Variants in PLOD1 observed in about 807,000 individuals in gnomAD.
The protein encoded by PLOD1 is lysine hydroxylase.
PLOD1 carries 70 observed loss-of-function variants against 94.7 expected under a neutral mutation model. The ratio of observed to expected loss-of-function variants is 0.74; its 90% CI spans 0.61 to 0.90. The LOEUF is 0.90. Among genes scored for constraint, PLOD1 ranks in the 40% least tolerant of loss-of-function variants. The pLI is 0.00. For synonymous variants in PLOD1, 417 were observed against 400.2 expected (o/e 1.04, Z -0.50); for missense variants, 905 against 972.7 (o/e 0.93, Z 0.93).
chr1:11,953,505 A>G (rs978305430), intron 5 of PLOD1, among the ~76,000 whole-genome samples: 1 of 151,932 alleles, frequency 6.6e-6, no homozygotes, highest in African/African-American at 2.4e-5. Context: ...ATGAAATGCA[A>G]TAATGGGCCA....
At chr1:11,939,285 A>C (rs1324568486) in intron 1 of PLOD1, among the ~76,000 whole-genome samples, 1 of 152,074 alleles carries the variant, frequency 6.6e-6, no homozygotes, top group Non-Finnish European at 1.5e-5. Flanking sequence ...GTTGGCTCCC[A>C]CGTGCAGGGC....
intron 3 of PLOD1, among the ~76,000 whole-genome samples, 184 bp from the exon 4 acceptor site, chr1:11,950,173 C>T (rs1645689212): frequency 6.6e-6 from 1 of 152,048 alleles, no homozygotes; most frequent in African/African-American, 2.4e-5. Context: ...GCCCAGGGTG[C>T]GGGTGGGAAC....
chr1:11,972,867 T>A lies in PLOD1; in HGVS notation c.1903-5T>A, dbSNP rs776128914. On this transcript the variant is annotated splice_polypyrimidine_tract_variant and splice_region_variant and intron_variant, in intron 17 of 18. Coordinates refer to ENST00000196061, the MANE Select transcript of PLOD1 (RefSeq NM_000302.4). This position sits in a 1 kb window ranked among gnomAD's most constrained non-coding sequence, Gnocchi z 4.6. ...GGGCTCTCTTGTCCCCCTGCCTTGG[T>A]ACAGGCCCAGTTTGACCTGGCCTTT... 9.4e-5 allele frequency: 152 copies of A among 1,613,994 alleles called. No individual in the cohort carries two copies. The highest frequency in any genetic ancestry group is 1.2e-4 in the Non-Finnish European group (147 of 1,179,914).
Position 11,970,743 on chromosome 1 carries a change from G to T in PLOD1, c.1829G>T (p.Arg610Leu). Residue 610 changes from arginine to leucine, a missense_variant, in exon 17 of 19, where the codon CGG (arginine) becomes CTG (leucine). Transcript: ENST00000196061. Reference sequence around the variant, plus strand: ...CACATGAACCAGATCGGCTTTGAGCGGGAGTGGCACAAATTCCTGCTGGAG... The same window carrying T: ...CACATGAACCAGATCGGCTTTGAGCTGGAGTGGCACAAATTCCTGCTGGAG... The part of the protein sequence containing the change: ...DIHMNQIGFE[R>L]EWHKFLLEYI... 6.2e-7 allele frequency: 1 copy of T among 1,612,194 alleles called. No individual in the cohort carries two copies. Among genetic ancestry groups the T allele is most frequent in the Non-Finnish European group, 8.5e-7 (1 of 1,179,724 alleles).
At chr1:11,955,447 A>G (rs1043416331) in intron 6 of PLOD1, among the ~76,000 whole-genome samples, 1 of 151,766 alleles carries the variant, frequency 6.6e-6, no homozygotes, top group African/African-American at 2.4e-5. Flanking sequence ...TACAAAAGGG[A>G]AGTGAACCGG....
chr1:11,964,058 T>A (rs1305339383), intron 11 of PLOD1, 117 bp from the exon 12 acceptor site: 20 of 1,057,666 alleles, frequency 1.9e-5, no homozygotes, highest in Non-Finnish European at 1.9e-5. Flanking sequence ...CTCAGTGAGG[T>A]GCTTGGGGAT....
chr1:11,971,461 C>T (rs1237696473), intron 17 of PLOD1: 1 of 161,292 alleles, frequency 6.2e-6, no homozygotes, highest in African/African-American at 2.4e-5. Flanking sequence ...TAGTTGGCCT[C>T]TAGCCTGAGC....
rs1162980604 is a variant in PLOD1 at position 11,966,273 on chromosome 1, A to G, written c.1607A>G (p.His536Arg). The change falls in exon 15 of 19, where the codon CAC (histidine) becomes CGC (arginine). Residue 536 changes from histidine to arginine, a missense_variant. Transcript: ENST00000196061. ...CAGGACTGGAAGGAGAAGTACATCC[A>G]CCAGAACTACACCAAAGCCCTGGCA... ...NPEDWKEKYI[H>R]QNYTKALAGK... 1 of 1,604,952 alleles carries G rather than the reference A, an allele frequency of 6.2e-7. No homozygotes were observed. Among genetic ancestry groups the G allele is most frequent in the Admixed American group, 1.7e-5 (1 of 59,276 alleles).
intron 16 of PLOD1, among the ~76,000 whole-genome samples, chr1:11,968,079 C>G (rs1009224653): frequency 6.6e-6 from 1 of 151,154 alleles, no homozygotes; most frequent in Non-Finnish European, 1.5e-5. Context: ...TCAGCCTCTC[C>G]AGTAGCTGGG....
chr1:11,941,232 G>GTTTGT (rs1645612966), intron 1 of PLOD1, among the ~76,000 whole-genome samples: 1 of 152,064 alleles, frequency 6.6e-6, no homozygotes, highest in Non-Finnish European at 1.5e-5. Context: ...TACTTTGTTT[G>GTTTGT]TTTGTTTTGT....
chr1:11,954,416 G>GC (rs1645723978), intron 5 of PLOD1: 2 of 428,704 alleles, frequency 4.7e-6, no homozygotes, highest in African/African-American at 4.0e-5. Context: ...AACCCAGGAG[G>GC]CGGAGGTTGC....
chr1:11,973,440 C>T (rs1461586005), intron 18 of PLOD1, among the ~76,000 whole-genome samples: 2 of 152,058 alleles, frequency 1.3e-5, no homozygotes, highest in Non-Finnish European at 2.9e-5. Flanking sequence ...GTGGAGGTTG[C>T]AGTGAGCTGA....
At chr1:11,965,456 T>C in intron 13 of PLOD1, 24 bp from the exon 14 acceptor site, 1 of 1,442,824 alleles carries the variant, frequency 6.9e-7, no homozygotes, top group Non-Finnish European at 9.8e-7. Flanking sequence ...GGAGCGCCTC[T>C]TCCACCGGGC....
rs1318592049 is a variant in PLOD1, at chr1:11,942,922, CCAGAGAGG to C, written c.77-5050_77-5043del. On this transcript the variant is annotated intron_variant, in intron 1 of 18. Coordinates refer to ENST00000196061, the MANE Select transcript of PLOD1 (RefSeq NM_000302.4). ...CTGGACAATCACGTGGGATCCTCAA[CCAGAGAGG>C]CAGGCTCTGCGTGGCCCAAGGAACC... 7.2e-5 allele frequency among the ~76,000 whole-genome samples: 11 copies of C among 152,284 alleles called. 1 individual carries two copies. The East Asian group carries it at 2.1e-3, about 29-fold the overall frequency.
Position 11,964,797 on chromosome 1 carries a change from G to A in PLOD1, c.1470+12G>A, listed in dbSNP as rs1389398051. ...ACATCCGGCAGCAGGTCAGCCAGGAGCGGGCAGCACAGGACGCCCTCTGGA... is the reference window on the plus strand; with the variant it reads ...ACATCCGGCAGCAGGTCAGCCAGGAACGGGCAGCACAGGACGCCCTCTGGA... On this transcript the variant is annotated intron_variant, in intron 13 of 18. Transcript: ENST00000196061. 2 of 1,613,408 alleles carry A rather than the reference G, an allele frequency of 1.2e-6. No individual in the cohort carries two copies. The highest frequency in any genetic ancestry group is 1.7e-6 in the Non-Finnish European group (2 of 1,180,022).
intron 9 of PLOD1, among the ~76,000 whole-genome samples, chr1:11,959,138 G>A (rs180789480): frequency 2.0e-5 from 3 of 152,084 alleles, no homozygotes; most frequent in African/African-American, 7.2e-5. Flanking sequence ...CTGGGAGGCA[G>A]AGGTTGCAGT....
intron 4 of PLOD1, among the ~76,000 whole-genome samples, chr1:11,951,794 C>T (rs1179551698): frequency 6.6e-6 from 1 of 151,606 alleles, no homozygotes; most frequent in African/African-American, 2.4e-5. Flanking sequence ...TGGCAGGCGC[C>T]TGTAGTCCCA....
chr1:11,949,039 T>G (rs1443414763), intron 2 of PLOD1, among the ~76,000 whole-genome samples: 1 of 152,198 alleles, frequency 6.6e-6, no homozygotes, highest in Non-Finnish European at 1.5e-5. Flanking sequence ...ATCCAGGGAT[T>G]CAAGCAGCAA....
chr1:11,965,559 A>C lies in PLOD1; in HGVS notation c.1550A>C (p.His517Pro), dbSNP rs759113604. 1.2e-6 allele frequency: 2 copies of C among 1,613,564 alleles called. No homozygotes were observed. The highest frequency in any genetic ancestry group is 1.7e-6 in the Non-Finnish European group (2 of 1,179,738). Reference protein sequence around the residue: ...SLDSYRTTHLHNDLWEVFSNP... With the variant: ...SLDSYRTTHLPNDLWEVFSNP... ...GACAGCTACCGCACCACCCACCTGC[A>C]CAACGACCTCTGGGAGGTGTTCAGC... Residue 517 changes from histidine (H) to proline (P), a missense_variant, in exon 14 of 19, where the codon CAC (histidine) becomes CCC (proline). By Grantham distance (77) the His-to-Pro change is moderately conservative. Transcript: ENST00000196061.
Sources: allele counts gnomAD v4.1 joint callset (sites outside exome capture counted in the v4.1 genomes callset), GRCh38; gene constraint gnomAD v4.1.1; non-coding constraint Gnocchi (gnomAD v3.1); transcripts MANE v1.5; gene names NCBI Gene and HGNC (gene_info 2026-07-23, HGNC 2026-07-21).